Variants in TRPC5 observed in about 807,000 individuals in gnomAD.
TRPC5 encodes short transient receptor potential channel 5.
A neutral mutation model predicts 56.5 loss-of-function variants in TRPC5; 9 were observed. The ratio of observed to expected loss-of-function variants is 0.16; its 90% confidence interval spans 0.10 to 0.28. The LOEUF is 0.28. Among genes scored for constraint, TRPC5 ranks in the 10% least tolerant of loss-of-function variants. TRPC5 has a pLI of 1.00. For synonymous variants in TRPC5, 282 were observed against 278.5 expected, an observed-to-expected ratio of 1.01 and a Z score of -0.13; for missense variants, 469 against 748.9, an observed-to-expected ratio of 0.63 and a Z score of 4.36.
intron 2 of TRPC5, among the ~76,000 whole-genome samples, chrX:111,920,637 C>T (rs1204817890): frequency 9.0e-6 from 1 of 111,244 alleles, no homozygotes; most frequent in African/African-American, 3.3e-5. Context: ...ATATTGATAA[C>T]AATATCTGGA....
chrX:112,064,233 T>C (rs1438971510), intron 1 of TRPC5, among the ~76,000 whole-genome samples: 1 of 112,193 alleles, frequency 8.9e-6, no homozygotes, highest in Non-Finnish European at 1.9e-5. Context: ...CGTGATTAAT[T>C]TGATCCTCAC....
In TRPC5 at chrX:111,776,685, G is replaced by A; in HGVS notation, c.2550C>T (p.Ser850=). The A allele has an allele frequency of 8.3e-7, 1 of 1,211,558 alleles. No individual in the cohort carries two copies. Among genetic ancestry groups the A allele is most frequent in the Non-Finnish European group, 1.1e-6 (1 of 895,477 alleles). Reference sequence around the variant, plus strand: ...GTTCAGACATATGACCATTAAATTTGGAGAATAGGAGACCCAGTTTCTTGA... The same window carrying A: ...GTTCAGACATATGACCATTAAATTTAGAGAATAGGAGACCCAGTTTCTTGA... ...PSLKKLGLLF[S]KFNGHMSEPS... Residue 850 remains serine, a synonymous_variant, in exon 11 of 11, where the codon TCC becomes TCT. Transcript: ENST00000262839.
At chrX:111,943,444 T>A (rs972573454) in intron 2 of TRPC5, among the ~76,000 whole-genome samples, 1 of 112,097 alleles carries the variant, frequency 8.9e-6, no homozygotes, top group Non-Finnish European at 1.9e-5. Flanking sequence ...AAATGAAGTG[T>A]CCTGTTGCTG....
At chrX:112,020,264 T>C (rs1375352977) in intron 1 of TRPC5, among the ~76,000 whole-genome samples, 1 of 112,099 alleles carries the variant, frequency 8.9e-6, no homozygotes, top group Non-Finnish European at 1.9e-5. Flanking sequence ...TTAAACCAAT[T>C]GTTTAAGAGG....
intron 1 of TRPC5, among the ~76,000 whole-genome samples, chrX:112,024,364 G>A (rs1193737583): frequency 9.0e-6 from 1 of 111,660 alleles, no homozygotes; most frequent in East Asian, 2.8e-4. Context: ...AGAACAAAAG[G>A]CTGACCCTTC....
chrX:111,921,852 G>T (rs945672528), intron 2 of TRPC5, among the ~76,000 whole-genome samples: 2 of 111,900 alleles, frequency 1.8e-5, no homozygotes, highest in Non-Finnish European at 3.8e-5. Flanking sequence ...TACTGGATCT[G>T]TCCAAGGATT....
At chrX:111,998,869 C>T (rs958544659) in intron 1 of TRPC5, among the ~76,000 whole-genome samples, 18 of 112,171 alleles carry the variant, frequency 1.6e-4, no homozygotes, top group African/African-American at 5.2e-4. Flanking sequence ...GTTAATTGTA[C>T]AATGAATTGT....
intron 3 of TRPC5, among the ~76,000 whole-genome samples, chrX:111,885,971 T>C (rs1214492818): frequency 8.9e-6 from 1 of 112,048 alleles, no homozygotes; most frequent in Non-Finnish European, 1.9e-5. Flanking sequence ...AAAGCCAATA[T>C]TCCCCTTAAA....
chrX:111,955,961 A>G (rs764759118), intron 1 of TRPC5, among the ~76,000 whole-genome samples: 7 of 112,550 alleles, frequency 6.2e-5, no homozygotes, highest in Non-Finnish European at 1.3e-4. Context: ...TAGTTCTCCA[A>G]CCATGAAAGA....
At chrX:112,065,182 C>G (rs929620974) in intron 1 of TRPC5, among the ~76,000 whole-genome samples, 9 of 111,215 alleles carry the variant, frequency 8.1e-5, no homozygotes, top group African/African-American at 2.6e-4. Context: ...TTTCTTATAT[C>G]TCTCTCCTGA....
At chrX:112,028,005 G>A (rs1041097794) in intron 1 of TRPC5, among the ~76,000 whole-genome samples, 1 of 112,243 alleles carries the variant, frequency 8.9e-6, no homozygotes, top group Non-Finnish European at 1.9e-5. Context: ...CCAGGTGTCA[G>A]ACTTAAATCA....
chrX:112,023,397 C>T (rs1929337904), intron 1 of TRPC5, among the ~76,000 whole-genome samples: 1 of 105,360 alleles, frequency 9.5e-6, no homozygotes, highest in African/African-American at 3.7e-5. Context: ...GTGGGTTTCT[C>T]ACAGTCCTTG....
At chrX:112,012,801 A>C (rs756582632) in intron 1 of TRPC5, among the ~76,000 whole-genome samples, 1 of 111,458 alleles carries the variant, frequency 9.0e-6, no homozygotes, top group Non-Finnish European at 1.9e-5. Context: ...TCACCTTCAA[A>C]AGTTTAAAGG....
chrX:111,804,044 G>GA lies in TRPC5; in HGVS notation c.1897-21907dup, dbSNP rs777291957. Among the ~76,000 whole-genome samples the GA allele has an allele frequency of 1.2e-3, 130 of 112,073 alleles. 1 individual carries two copies. Among genetic ancestry groups the GA allele is most frequent in the Non-Finnish European group, 1.7e-3 (92 of 53,245 alleles). The stretch of plus-strand genomic sequence containing the variant: ...ATGTTTGTATAAGGTGTAAGTAAGG[G>GA]ATCCAGTTTCAGCTTTCTACATATG... On this transcript the variant is annotated intron_variant, in intron 7 of 10. Transcript: ENST00000262839.
chrX:111,882,705 G>T (rs753662587), intron 3 of TRPC5, among the ~76,000 whole-genome samples: 13 of 112,653 alleles, frequency 1.2e-4, no homozygotes, highest in Non-Finnish European at 3.8e-5. Context: ...CTCACCAGGG[G>T]CTAAGCCCAC....
At chrX:111,811,344 G>A (rs909428920) in intron 7 of TRPC5, among the ~76,000 whole-genome samples, 1 of 112,583 alleles carries the variant, frequency 8.9e-6, no homozygotes, top group Non-Finnish European at 1.9e-5. Flanking sequence ...CAAAATGTTA[G>A]AATGCTCTTG....
chrX:111,783,767 T>C (rs944391561), intron 7 of TRPC5, among the ~76,000 whole-genome samples: 2 of 111,232 alleles, frequency 1.8e-5, no homozygotes, highest in African/African-American at 6.5e-5. Context: ...TTTGAGAAAG[T>C]CAAAATTATC....
At chrX:111,907,489 G>A (rs1048941583) in intron 3 of TRPC5, among the ~76,000 whole-genome samples, 3 of 110,063 alleles carry the variant, frequency 2.7e-5, no homozygotes, top group African/African-American at 9.9e-5. Context: ...GCCAGGCGTG[G>A]TGGTGCATGC....
intron 3 of TRPC5, among the ~76,000 whole-genome samples, chrX:111,866,856 TAACTC>T (rs1923564405): frequency 8.9e-6 from 1 of 112,348 alleles, no homozygotes; most frequent in Admixed American, 9.4e-5. Context: ...TTCACATGCT[TAACTC>T]AAGGCAGAAT....
Sources: gnomAD v4.1 joint callset for allele counts (sites outside exome capture counted in the v4.1 genomes callset) on GRCh38, gnomAD v4.1.1 for gene constraint, MANE v1.5 for transcripts, NCBI Gene and HGNC (gene_info 2026-07-23, HGNC 2026-07-21) for gene names.